The following TMEM200A variants were observed in gnomAD, a reference collection of about 807,000 sequenced individuals.
TMEM200A encodes the protein two transmembrane C.
A neutral mutation model predicts 24.3 loss-of-function variants in TMEM200A; 12 were observed. The ratio of observed to expected loss-of-function variants is 0.49; its 90% CI spans 0.32 to 0.80. The LOEUF is 0.80. TMEM200A is among the 30% of genes least tolerant of loss of function. The pLI is 0.04. For synonymous variants in TMEM200A, 224 were observed against 224.4 expected, an observed-to-expected ratio of 1.00 and a Z score of 0.02; for missense variants, 545 against 614.4, an observed-to-expected ratio of 0.89 and a Z score of 1.19.
chr6:130,441,632 C>G lies in TMEM200A; in HGVS notation c.1210C>G (p.Pro404Ala). 1 of 1,614,030 alleles carries G rather than the reference C, an allele frequency of 6.2e-7. No individual in the cohort carries two copies. The highest frequency in any genetic ancestry group is 8.5e-7 in the Non-Finnish European group (1 of 1,180,010). The change falls in exon 3 of 3, where the codon CCC becomes GCC. Residue 404 changes from proline to alanine, a missense_variant. Transcript: ENST00000296978. ...HSKSLDLDRG[P>A]STLTVQAEQR... ...AAAGTCCTTGGACTTAGACCGGGGTCCCTCCACTCTAACTGTTCAGGCAGA... is the reference window on the plus strand; with the variant it reads ...AAAGTCCTTGGACTTAGACCGGGGTGCCTCCACTCTAACTGTTCAGGCAGA...
chr6:130,399,842 C>T (rs11154575), intron 2 of TMEM200A, among the ~76,000 whole-genome samples: 21,449 of 151,706 alleles, frequency 0.14, 1,713 homozygotes, highest in East Asian at 0.35. Flanking sequence ...CCCCCTCCTA[C>T]TCTTCCCCTT....
intron 2 of TMEM200A, among the ~76,000 whole-genome samples, chr6:130,432,254 G>A (rs566035016): frequency 2.6e-5 from 4 of 152,158 alleles, no homozygotes; most frequent in Admixed American, 6.5e-5. Flanking sequence ...TCATTCATTC[G>A]ATCCAATTGC....
At chr6:130,426,852 A>C (rs1779756856) in intron 2 of TMEM200A, among the ~76,000 whole-genome samples, 2 of 152,256 alleles carry the variant, frequency 1.3e-5, no homozygotes, top group African/African-American at 4.8e-5. Context: ...TATAAACTTC[A>C]TAAAGGCAGA....
At position 130,440,734 on chromosome 6, in the gene TMEM200A, C is replaced by A. The variant is rs1371619239; in HGVS notation, c.312C>A (p.Val104=). ...ETTLSTNETQ[V]IRNEGGVVVR... is the part of the protein sequence containing the mutation. ...CACTGTCAACAAATGAAACTCAGGT[C>A]ATTCGGAATGAAGGCGGTGTGGTGG... Residue 104 remains valine, a synonymous_variant, in exon 3 of 3, where the codon GTC becomes GTA. Coordinates refer to ENST00000296978, the MANE Select transcript of TMEM200A (RefSeq NM_001258277.2). The A allele has an allele frequency of 1.2e-6, 2 of 1,614,014 alleles. No homozygotes were observed. The highest frequency in any genetic ancestry group is 1.3e-5 in the African/African-American group (1 of 75,030).
chr6:130,409,646 A>G (rs946138822), intron 2 of TMEM200A, among the ~76,000 whole-genome samples: 2 of 152,170 alleles, frequency 1.3e-5, no homozygotes, highest in African/African-American at 4.8e-5. Flanking sequence ...TTATAATACA[A>G]AGTATTTTGA....
chr6:130,423,570 C>T (rs1055691542), intron 2 of TMEM200A, among the ~76,000 whole-genome samples: 3 of 152,116 alleles, frequency 2.0e-5, no homozygotes, highest in Admixed American at 6.5e-5. Flanking sequence ...TAACAAAAAA[C>T]CTTTTGTTAA....
At chr6:130,419,449 C>T (rs1779529678) in intron 2 of TMEM200A, among the ~76,000 whole-genome samples, 1 of 152,144 alleles carries the variant, frequency 6.6e-6, no homozygotes. Context: ...AGTGGGATTG[C>T]TGGATCATAT....
At chr6:130,417,535 C>T (rs140328579) in intron 2 of TMEM200A, among the ~76,000 whole-genome samples, 1 of 152,066 alleles carries the variant, frequency 6.6e-6, no homozygotes, top group Non-Finnish European at 1.5e-5. Flanking sequence ...TTTATGAATT[C>T]TTTGTATTAT....
chr6:130,420,423 G>A (rs1178655648), intron 2 of TMEM200A, among the ~76,000 whole-genome samples: 1 of 152,054 alleles, frequency 6.6e-6, no homozygotes, highest in African/African-American at 2.4e-5. Flanking sequence ...AAGGTTGTTG[G>A]TCACCATGGC....
At chr6:130,410,068 A>G (rs192474345) in intron 2 of TMEM200A, among the ~76,000 whole-genome samples, 86 of 152,204 alleles carry the variant, frequency 5.7e-4, no homozygotes, top group African/African-American at 1.9e-3. Context: ...TGGATTGAAT[A>G]TCATATATTT....
At chr6:130,413,797 T>G (rs1323126934) in intron 2 of TMEM200A, among the ~76,000 whole-genome samples, 1 of 152,226 alleles carries the variant, frequency 6.6e-6, no homozygotes, top group Non-Finnish European at 1.5e-5. Flanking sequence ...CAGCCCCTTG[T>G]CCATCTCTGC....
intron 2 of TMEM200A, among the ~76,000 whole-genome samples, chr6:130,400,366 G>A (rs1426318238): frequency 6.6e-6 from 1 of 152,014 alleles, no homozygotes; most frequent in Non-Finnish European, 1.5e-5. Context: ...ATTCCCACCA[G>A]CAGTGTAGAA....
At chr6:130,368,626 A>G (rs965277068) in intron 1 of TMEM200A, among the ~76,000 whole-genome samples, 1 of 152,222 alleles carries the variant, frequency 6.6e-6, no homozygotes, top group Non-Finnish European at 1.5e-5. Context: ...CTCAGAAAAC[A>G]TCAGTGAGTG....
At chr6:130,396,072 T>C (rs866750931) in intron 2 of TMEM200A, among the ~76,000 whole-genome samples, 2 of 152,282 alleles carry the variant, frequency 1.3e-5, no homozygotes, top group Middle Eastern at 3.4e-3. Context: ...GCAAAGCCAG[T>C]ATGGTTTAAT....
intron 1 of TMEM200A, among the ~76,000 whole-genome samples, chr6:130,367,707 A>G (rs1188493004): frequency 6.6e-6 from 1 of 152,232 alleles, no homozygotes. Context: ...TGAAGAATAG[A>G]AGTCCTTCTA....
chr6:130,401,369 CT>C (rs887935575), intron 2 of TMEM200A, among the ~76,000 whole-genome samples: 12 of 150,790 alleles, frequency 8.0e-5, no homozygotes, highest in Admixed American at 5.3e-4. Context: ...TCCTTCCTCC[CT>C]CCCCCTGCTT....
Position 130,412,201 on chromosome 6 carries a change from TTTC to T in TMEM200A, c.-17+26968_-17+26970del, listed in dbSNP as rs1335938044. ...TCCCAGAAGCCTGATTTTTTTTTTT[TTTC>T]TTTTTAGTGGAAAATGGTATTTAGA... is the stretch of plus-strand genomic sequence containing the variant. On this transcript the variant is annotated intron_variant, in intron 2 of 2. Coordinates refer to ENST00000296978, the MANE Select transcript of TMEM200A (RefSeq NM_001258277.2). Among the ~76,000 whole-genome samples, 66 of 148,992 alleles carry T rather than the reference TTTC, an allele frequency of 4.4e-4. 2 individuals carry two copies. The highest frequency in any genetic ancestry group is 1.4e-3 in the African/African-American group (55 of 38,452).
At chr6:130,420,233 C>CTA (rs1256567533) in intron 2 of TMEM200A, among the ~76,000 whole-genome samples, 2 of 152,098 alleles carry the variant, frequency 1.3e-5, no homozygotes, top group African/African-American at 4.8e-5. Flanking sequence ...TGGAATAATA[C>CTA]TAATACCTAC....
At chr6:130,438,141 T>C (rs1780065441) in intron 2 of TMEM200A, 1 of 152,204 alleles carries the variant, frequency 6.6e-6, no homozygotes, top group Non-Finnish European at 1.5e-5. Flanking sequence ...GACACTAAGC[T>C]TTATTTTAGC....
Sources: allele counts gnomAD v4.1 joint callset (sites outside exome capture counted in the v4.1 genomes callset), GRCh38; gene constraint gnomAD v4.1.1; transcripts MANE v1.5; gene names NCBI Gene and HGNC (gene_info 2026-07-23, HGNC 2026-07-21).